Variants in RPF1 observed in about 807,000 individuals in gnomAD.
RPF1 encodes ribosome production factor 1 homolog.
A neutral mutation model predicts 41.9 loss-of-function variants in RPF1; 34 were observed. The ratio of observed to expected loss-of-function variants is 0.81; its 90% confidence interval spans 0.62 to 1.08. The LOEUF is 1.08. Ranked by LOEUF, RPF1 falls within the 50% of genes least tolerant of loss-of-function variation. The probability of loss-of-function intolerance (pLI) is 0.00; values close to 1 mark genes in which losing one functional copy is unlikely to be tolerated. For missense variants in RPF1, 425 were observed against 435.2 expected (o/e 0.98, Z 0.21); for synonymous variants, 140 against 148.9 (o/e 0.94, Z 0.43).
chr1:84,494,390 A>G (rs1681891494), intron 5 of RPF1, among the ~76,000 whole-genome samples: 1 of 152,232 alleles, frequency 6.6e-6, no homozygotes, highest in African/African-American at 2.4e-5. Context: ...TTTGAAAGAT[A>G]CATATTAAAT....
In RPF1 at chr1:84,490,330, ACT is replaced by A. The variant is rs1450971690; in HGVS notation, c.477_478del (p.Cys160Ter). 6.3e-7 allele frequency: 1 copy of A among 1,588,510 alleles called. No homozygotes were observed. Among genetic ancestry groups the A allele is most frequent in the Non-Finnish European group, 8.5e-7 (1 of 1,171,896 alleles). On this transcript the variant is annotated frameshift_variant, in exon 5 of 9. Coordinates refer to ENST00000370654, the MANE Select transcript of RPF1 (RefSeq NM_025065.7). LOFTEE classifies it high-confidence loss of function. ...ATTTTGTTTTGCAGAGAACAGTACG[ACT>A]CTGTGAACAGCTCTCCACAGTTATA... is the stretch of plus-strand genomic sequence containing the variant. ...SDRPHGRTVR[L>X]CEQLSTVIPN... is the part of the protein sequence containing the mutation.
At chr1:84,479,851 T>C (rs2101880855) in intron 1 of RPF1, among the ~76,000 whole-genome samples, 1 of 152,294 alleles carries the variant, frequency 6.6e-6, no homozygotes, top group East Asian at 1.9e-4. Context: ...TCCGTCTAGG[T>C]AGCGTTGGTT....
At chr1:84,484,961 C>T (rs766084845) in intron 3 of RPF1, among the ~76,000 whole-genome samples, 11 of 151,990 alleles carry the variant, frequency 7.2e-5, no homozygotes, top group Non-Finnish European at 1.5e-4. Context: ...CGTGAGCCAC[C>T]GCACTTAGCC....
rs745745838 is a variant in RPF1 at position 84,495,378 on chromosome 1, CTTATT to C, written c.625_629del (p.Ile209GlufsTer12). ...TTCTTAACTTTTATGAACAGATGGACTTATTTTGAGTCACTTGCCAAATGGCCCAA... is the reference window on the plus strand; with the variant it reads ...TTCTTAACTTTTATGAACAGATGGACTTGAGTCACTTGCCAAATGGCCCAA... On this transcript the variant is annotated frameshift_variant, in exon 6 of 9. Transcript: ENST00000370654. LOFTEE classifies it high-confidence loss of function. 2 of 1,420,016 alleles carry C rather than the reference CTTATT, an allele frequency of 1.4e-6. No homozygotes were observed. Among genetic ancestry groups the C allele is most frequent in the South Asian group, 2.4e-5 (2 of 82,968 alleles). 88.0% of individuals were successfully genotyped at this position (1,420,016 alleles called of 1,614,324 possible).
chr1:84,481,028 A>G lies in RPF1; in HGVS notation c.285+16A>G, dbSNP rs1334950171. 1 of 1,514,216 alleles carries G rather than the reference A, an allele frequency of 6.6e-7. No individual in the cohort carries two copies. Among genetic ancestry groups the G allele is most frequent in the Non-Finnish European group, 9.1e-7 (1 of 1,101,258 alleles). 93.8% of individuals were successfully genotyped at this position (1,514,216 alleles called of 1,614,324 possible). A position where few individuals can be genotyped will look rare whatever the true frequency, so the allele number is the denominator to read the frequency against. Reference sequence around the variant, plus strand: ...TGGCGATAAGGTAAATAAAATTTTTAGCTGTTTGCTTTCTATCTTATATTA... The same window carrying G: ...TGGCGATAAGGTAAATAAAATTTTTGGCTGTTTGCTTTCTATCTTATATTA... On this transcript the variant is annotated intron_variant, in intron 2 of 8. Transcript: ENST00000370654.
At chr1:84,480,573 G>A (rs980658547) in intron 1 of RPF1, among the ~76,000 whole-genome samples, 2 of 152,208 alleles carry the variant, frequency 1.3e-5, no homozygotes, top group Non-Finnish European at 2.9e-5. Flanking sequence ...TGCTTTTCAA[G>A]AGAAGCAAGC....
In RPF1 at chr1:84,497,547, T is replaced by C; in HGVS notation, c.*77T>C. 2 of 1,122,556 alleles carry C rather than the reference T, an allele frequency of 1.8e-6. No homozygotes were observed. Among genetic ancestry groups the C allele is most frequent in the South Asian group, 1.5e-5 (1 of 66,720 alleles). 69.5% of individuals were successfully genotyped at this position (1,122,556 alleles called of 1,614,324 possible). On this transcript the variant is annotated 3_prime_UTR_variant, in exon 9 of 9. Coordinates refer to ENST00000370654, the MANE Select transcript of RPF1 (RefSeq NM_025065.7). ...TGGTAAATTATTTTTGACAGAATAC[T>C]CTTTTCAAAATGGCATTTGCTGATT...
intron 2 of RPF1, among the ~76,000 whole-genome samples, chr1:84,482,656 T>C (rs1054377638): frequency 3.9e-5 from 6 of 151,986 alleles, no homozygotes; most frequent in African/African-American, 1.5e-4. Context: ...TTCTCCTTGT[T>C]ACTTCTGCAC....
intron 2 of RPF1, among the ~76,000 whole-genome samples, chr1:84,482,581 T>C (rs2101882160): frequency 6.6e-6 from 1 of 152,292 alleles, no homozygotes. Flanking sequence ...TGTTATTTTT[T>C]TCTTTTATTT....
rs763221773 is a variant in RPF1, at chr1:84,490,396, GA to G, written c.547del (p.Ile183LeufsTer13). ...TTTATTACAGAAGAGGACTGGCTCT[GA>G]AAAAAATTATTCCACAGTGCATCGC... The part of the protein sequence containing the change: ...HVYYRRGLAL[K>X]KIIPQCIARD... On this transcript the variant is annotated frameshift_variant, in exon 5 of 9. Coordinates refer to ENST00000370654, the MANE Select transcript of RPF1 (RefSeq NM_025065.7). LOFTEE classifies it high-confidence loss of function. 2.5e-6 allele frequency: 4 copies of G among 1,611,396 alleles called. No homozygotes were observed. The highest frequency in any genetic ancestry group is 2.2e-5 in the East Asian group (1 of 44,744).
chr1:84,495,806 A>G, intron 6 of RPF1, 76 bp from the exon 7 acceptor site: 5 of 941,420 alleles, frequency 5.3e-6, no homozygotes, highest in Middle Eastern at 2.2e-4. Flanking sequence ...GTAAATTTTG[A>G]TACTTGAAAT....
chr1:84,483,766 A>T (rs953231036), intron 3 of RPF1, among the ~76,000 whole-genome samples: 1 of 152,248 alleles, frequency 6.6e-6, no homozygotes, highest in Non-Finnish European at 1.5e-5. Context: ...CTATATTTTT[A>T]AAAGTTTTGT....
At position 84,497,902 on chromosome 1, in the gene RPF1, A is replaced by C. The variant is rs1681972593; in HGVS notation, c.*432A>C. 1 of 153,380 alleles carries C rather than the reference A, an allele frequency of 6.5e-6. No individual in the cohort carries two copies. The highest frequency in any genetic ancestry group is 2.4e-5 in the African/African-American group (1 of 41,508). 9.5% of individuals were successfully genotyped at this position (153,380 alleles called of 1,614,324 possible). A position where few individuals can be genotyped will look rare whatever the true frequency, so the allele number is the denominator to read the frequency against. ...TTTCTGGATGTTTTAACATTCTCTTAAGCCTTCAGAAGGGTAAAAAATTTA... is the reference window on the plus strand; with the variant it reads ...TTTCTGGATGTTTTAACATTCTCTTCAGCCTTCAGAAGGGTAAAAAATTTA... On this transcript the variant is annotated 3_prime_UTR_variant, in exon 9 of 9. Transcript: ENST00000370654.
At chr1:84,484,800 C>T (rs535569577) in intron 3 of RPF1, among the ~76,000 whole-genome samples, 2 of 151,652 alleles carry the variant, frequency 1.3e-5, no homozygotes, top group Admixed American at 1.3e-4. Context: ...ATTCTCCTGC[C>T]TCAGCCTCCC....
chr1:84,488,596 T>C (rs1283871438), intron 3 of RPF1, among the ~76,000 whole-genome samples: 2 of 152,112 alleles, frequency 1.3e-5, no homozygotes, highest in Non-Finnish European at 2.9e-5. Context: ...GTCAAATAAA[T>C]AGAAAAATCA....
chr1:84,495,049 T>C (rs1483692099), intron 5 of RPF1, among the ~76,000 whole-genome samples: 1 of 151,962 alleles, frequency 6.6e-6, no homozygotes, highest in Non-Finnish European at 1.5e-5. Context: ...CCTATTTTAC[T>C]CCTAAGAGTA....
Position 84,490,486 on chromosome 1 carries a change from T to C in RPF1, c.616+14T>C. ...GTAAAACCCCAAGTATCCTTTTTTT[T>C]TTTAAGGAGGTTTTCCTGTCCTCTC... On this transcript the variant is annotated intron_variant, in intron 5 of 8. Transcript: ENST00000370654. 6.4e-7 allele frequency: 1 copy of C among 1,560,546 alleles called. No individual in the cohort carries two copies. Among genetic ancestry groups the C allele is most frequent in the South Asian group, 1.2e-5 (1 of 82,162 alleles).
rs762734737 is a variant in RPF1, at chr1:84,496,024, T to G, written c.842T>G (p.Phe281Cys). 6.2e-7 allele frequency: 1 copy of G among 1,613,010 alleles called. No individual in the cohort carries two copies. Among genetic ancestry groups the G allele is most frequent in the East Asian group, 2.2e-5 (1 of 44,876 alleles). Residue 281 changes from phenylalanine (F) to cysteine (C), a missense_variant, in exon 7 of 9, where the codon TTC (phenylalanine) becomes TGC (cysteine). Physicochemically the swap from Phe to Cys is radical, Grantham distance 205. Transcript: ENST00000370654. ...PQFIGRQVATFHNQRDYIFFR... is the reference protein window; with the variant it reads ...PQFIGRQVATCHNQRDYIFFR... ...TTTATCGGAAGGCAGGTTGCCACAT[T>G]CCACAATCAACGGGATTACATATTC...
chr1:84,495,676 AT>A (rs1297524694), intron 6 of RPF1, among the ~76,000 whole-genome samples: 1 of 152,078 alleles, frequency 6.6e-6, no homozygotes, highest in Non-Finnish European at 1.5e-5. Context: ...TTCTAATAGG[AT>A]TTTTTTGTTG....
Sources: allele counts gnomAD v4.1 joint callset (sites outside exome capture counted in the v4.1 genomes callset), GRCh38; gene constraint gnomAD v4.1.1; transcripts MANE v1.5; gene names NCBI Gene and HGNC (gene_info 2026-07-23, HGNC 2026-07-21).